HBP1: variants seen among roughly 807,000 people sequenced by gnomAD.
The protein encoded by HBP1 is HMG box-containing protein 1.
In HBP1, 20 loss-of-function variants were observed where a neutral mutation model predicts 62.6. The observed-to-expected ratio is 0.32, with a 90% CI of 0.22 to 0.46. The LOEUF is 0.46. HBP1 is among the 20% of genes least tolerant of loss of function. The probability of loss-of-function intolerance (pLI) is 1.00; values close to 1 mark genes in which losing one functional copy is unlikely to be tolerated. For synonymous variants in HBP1, 232 were observed against 206.2 expected, an observed-to-expected ratio of 1.12 and a Z score of -1.07; for missense variants, 480 against 611.8, an observed-to-expected ratio of 0.78 and a Z score of 2.27.
At position 107,169,156 on chromosome 7, in the gene HBP1, C is replaced by G. The variant is rs1359500591; in HGVS notation, c.-45C>G. 2.7e-6 allele frequency: 3 copies of G among 1,128,586 alleles called. No homozygotes were observed. The highest frequency in any genetic ancestry group is 3.3e-6 in the Non-Finnish European group (3 of 904,442). 69.9% of individuals were successfully genotyped at this position (1,128,586 alleles called of 1,614,324 possible). ...TGGTGTTGTCGTGGCCGGAGCGGCC[C>G]GCGCCTGGGCTGCCGGCACTTCGCG... On this transcript the variant is annotated 5_prime_UTR_variant, in exon 1 of 11. Transcript: ENST00000222574.
chr7:107,183,144 A>G (rs890751900), intron 3 of HBP1, among the ~76,000 whole-genome samples: 6 of 152,244 alleles, frequency 3.9e-5, no homozygotes, highest in South Asian at 4.1e-4. Context: ...TGGTTGTGCT[A>G]TGAAATTACG....
intron 2 of HBP1, among the ~76,000 whole-genome samples, chr7:107,181,240 T>C (rs1195226591): frequency 1.3e-5 from 2 of 152,126 alleles, no homozygotes; most frequent in African/African-American, 4.8e-5. Flanking sequence ...CGCAGCACTT[T>C]GGGAGGACAA....
chr7:107,177,861 T>C (rs926297634), intron 1 of HBP1, among the ~76,000 whole-genome samples: 9 of 152,158 alleles, frequency 5.9e-5, no homozygotes, highest in Non-Finnish European at 1.2e-4. Flanking sequence ...CCAAAAAAAT[T>C]TTTTTTCCCA....
intron 1 of HBP1, among the ~76,000 whole-genome samples, chr7:107,170,897 A>T (rs1231906288): frequency 1.3e-5 from 2 of 148,922 alleles, no homozygotes; most frequent in African/African-American, 4.9e-5. Flanking sequence ...TCACTGTAAG[A>T]GTTGTTTTCT....
At chr7:107,173,310 C>T (rs1440556228) in intron 1 of HBP1, 2 of 152,016 alleles carry the variant, frequency 1.3e-5, no homozygotes, top group Non-Finnish European at 2.9e-5. Context: ...TTATGGAAAT[C>T]CTTCAGGATT....
intron 1 of HBP1, among the ~76,000 whole-genome samples, 177 bp downstream of exon 1, chr7:107,169,362 T>C (rs1443127459): frequency 2.1e-5 from 3 of 143,656 alleles, no homozygotes; most frequent in Admixed American, 1.4e-4. Flanking sequence ...CGGAGCAGCG[T>C]CTCCCGCGAG....
In HBP1 at chr7:107,202,155, CAAACA is replaced by C. The variant is rs1198532541; in HGVS notation, c.*725_*729del. ...ATAGTCACTGTAATGGTGCTATTAA[CAAACA>C]GTCAACACCATTGTATTTTTTAACT... On this transcript the variant is annotated 3_prime_UTR_variant, in exon 11 of 11. Transcript: ENST00000222574. 4 of 152,542 alleles carry C rather than the reference CAAACA, an allele frequency of 2.6e-5. No homozygotes were observed. The highest frequency in any genetic ancestry group is 9.7e-5 in the African/African-American group (4 of 41,360). The allele number at this position is 152,542 out of a possible 1,614,324, so 9.4% of individuals were successfully genotyped here. A position where few individuals can be genotyped will look rare whatever the true frequency, so the allele number is the denominator to read the frequency against.
chr7:107,182,209 C>T (rs1254701510), intron 2 of HBP1, among the ~76,000 whole-genome samples, 164 bp from the exon 3 acceptor site: 4 of 152,132 alleles, frequency 2.6e-5, no homozygotes, highest in Admixed American at 6.6e-5. Context: ...AAAACACAAA[C>T]CAAACCATGT....
At chr7:107,187,622 G>A (rs993102678) in intron 6 of HBP1, among the ~76,000 whole-genome samples, 1 of 148,578 alleles carries the variant, frequency 6.7e-6, no homozygotes, top group Non-Finnish European at 1.5e-5. Flanking sequence ...CTTCAGTTTC[G>A]TCCCCTTGCT....
chr7:107,200,041 G>GTGAT lies in HBP1; in HGVS notation c.1386-118_1386-115dup, dbSNP rs533223079. The GTGAT allele has an allele frequency of 8.4e-5, 64 of 759,812 alleles. No individual in the cohort carries two copies. In the African/African-American group the frequency reaches 1.0e-3, roughly 12 times the overall value. 47.1% of individuals were successfully genotyped at this position (759,812 alleles called of 1,614,324 possible). ...ATGGCCTTGACCTTTTCCCATCTCT[G>GTGAT]TGATAGACAAGATTTTCATCTTTTT... On this transcript the variant is annotated intron_variant, in intron 9 of 10. Transcript: ENST00000222574.
intron 4 of HBP1, 55 bp from the exon 5 acceptor site, chr7:107,186,306 T>C: frequency 1.9e-6 from 2 of 1,056,612 alleles, no homozygotes; most frequent in Non-Finnish European, 2.9e-6. Context: ...AAAACAGATA[T>C]TAAAAGGTAT....
chr7:107,186,653 A>G lies in HBP1; in HGVS notation c.737A>G (p.Glu246Gly). Residue 246 changes from glutamate to glycine, a missense_variant, in exon 6 of 11, where the codon GAG (glutamate) becomes GGG (glycine). Transcript: ENST00000222574. Reference sequence around the variant, plus strand: ...GCTAGAGCTGAAGGCTGTGATAATGAGGAAGATCTTCAAATGGGCATTCAC... The same window carrying G: ...GCTAGAGCTGAAGGCTGTGATAATGGGGAAGATCTTCAAATGGGCATTCAC... Reference protein sequence around the residue: ...DFARAEGCDNEEDLQMGIHKG... With the variant: ...DFARAEGCDNGEDLQMGIHKG... 1 of 1,608,264 alleles carries G rather than the reference A, an allele frequency of 6.2e-7. No homozygotes were observed. The highest frequency in any genetic ancestry group is 8.5e-7 in the Non-Finnish European group (1 of 1,176,044).
At chr7:107,170,913 A>T (rs941279691) in intron 1 of HBP1, among the ~76,000 whole-genome samples, 2 of 147,894 alleles carry the variant, frequency 1.4e-5, no homozygotes, top group Non-Finnish European at 3.0e-5. Context: ...TTTCTTCACT[A>T]TATACATATG....
chr7:107,198,965 A>G (rs1039269842), intron 9 of HBP1, among the ~76,000 whole-genome samples: 2 of 152,208 alleles, frequency 1.3e-5, no homozygotes, highest in African/African-American at 4.8e-5. Flanking sequence ...TGGATGACTG[A>G]GATGGTGTGA....
At chr7:107,184,378 A>G (rs373033628) in intron 3 of HBP1, among the ~76,000 whole-genome samples, 1 of 152,226 alleles carries the variant, frequency 6.6e-6, no homozygotes, top group East Asian at 1.9e-4. Flanking sequence ...ACATGAAAGT[A>G]TAGATCCTTA....
intron 1 of HBP1, chr7:107,173,416 A>G (rs575125942): frequency 6.6e-6 from 1 of 152,022 alleles, no homozygotes; most frequent in African/African-American, 2.4e-5. Flanking sequence ...GCAGGAAGTA[A>G]CCCATGCTGG....
At position 107,182,602 on chromosome 7, in the gene HBP1, G is replaced by A. The variant is rs1174278954; in HGVS notation, c.398+1G>A. 1 of 1,465,364 alleles carries A rather than the reference G, an allele frequency of 6.8e-7. No homozygotes were observed. Among genetic ancestry groups the A allele is most frequent in the Non-Finnish European group, 9.5e-7 (1 of 1,047,668 alleles). 90.8% of individuals were successfully genotyped at this position (1,465,364 alleles called of 1,614,324 possible). ...TGATGCAGTGCTCATTTTACAATAG[G>A]TAGGAGCATTTATTATATTTTTATT... On this transcript the variant is annotated splice_donor_variant, in intron 3 of 10. Transcript: ENST00000222574. LOFTEE classifies it high-confidence loss of function.
chr7:107,174,778 G>C, intron 1 of HBP1: 1 of 840,640 alleles, frequency 1.2e-6, no homozygotes, highest in Non-Finnish European at 1.4e-6. Flanking sequence ...GTTCAGATAA[G>C]GTTGACTGTG....
At position 107,201,269 on chromosome 7, in the gene HBP1, T is replaced by C. The variant is rs1343845276; in HGVS notation, c.1528-145T>C. 8.3e-6 allele frequency: 4 copies of C among 479,952 alleles called. No homozygotes were observed. In the Admixed American group the frequency reaches 1.1e-4, roughly 14 times the overall value. The allele number at this position is 479,952 out of a possible 1,614,324, so 29.7% of individuals were successfully genotyped here. ...TTCTGGATGCTTGAGCCATCAGATA[T>C]CAGCTAGCTTTTTAAAATCACCTTT... On this transcript the variant is annotated intron_variant, in intron 10 of 10. Coordinates refer to ENST00000222574, the MANE Select transcript of HBP1 (RefSeq NM_012257.4).
Sources: gnomAD v4.1 joint callset for allele counts (sites outside exome capture counted in the v4.1 genomes callset) on GRCh38, gnomAD v4.1.1 for gene constraint, MANE v1.5 for transcripts, NCBI Gene and HGNC (gene_info 2026-07-23, HGNC 2026-07-21) for gene names.